Variants in PNKD observed in about 807,000 individuals in gnomAD.
PNKD encodes the protein probable thioesterase PNKD.
In PNKD, 36 loss-of-function variants were observed where a neutral mutation model predicts 45.3. The observed-to-expected ratio is 0.80, with a 90% CI of 0.61 to 1.05. The LOEUF (loss-of-function observed/expected upper bound fraction) is 1.05, where lower values mean the gene tolerates loss of function less well. Ranked by LOEUF, PNKD falls within the 50% of genes least tolerant of loss-of-function variation. The pLI is 0.00. For missense variants in PNKD, 511 were observed against 506.6 expected, an observed-to-expected ratio of 1.01 and a Z score of -0.08; for synonymous variants, 197 against 210.1, an observed-to-expected ratio of 0.94 and a Z score of 0.54.
intron 2 of PNKD, among the ~76,000 whole-genome samples, chr2:218,303,680 G>A (rs1204195499): frequency 2.7e-5 from 4 of 148,516 alleles, no homozygotes; most frequent in South Asian, 2.1e-4. Flanking sequence ...GGGTTCAAGC[G>A]ATTCTCTGCC....
chr2:218,313,903 C>CTTTTTTTTTTTTTTTTTTTTT (rs10550174), intron 2 of PNKD, among the ~76,000 whole-genome samples: 1 of 77,722 alleles, frequency 1.3e-5, no homozygotes, highest in African/African-American at 3.9e-5. Flanking sequence ...TTCTTTATTT[C>CTTTTTTTTTTTTTTTTTTTTT]TTTTTTTTTT....
intron 2 of PNKD, among the ~76,000 whole-genome samples, chr2:218,297,684 CAAAAA>C (rs71064428): frequency 2.4e-5 from 1 of 41,998 alleles, no homozygotes; most frequent in African/African-American, 1.4e-4. Flanking sequence ...GACTCCGTCT[CAAAAA>C]AAAAAAAAAA....
chr2:218,315,298 C>T (rs372274572), intron 2 of PNKD, among the ~76,000 whole-genome samples: 96 of 151,802 alleles, frequency 6.3e-4, no homozygotes, highest in African/African-American at 2.0e-3. Context: ...CGCGCCACCA[C>T]GCCCAGCTAA....
chr2:218,280,193 C>G, intron 2 of PNKD: 2 of 1,161,900 alleles, frequency 1.7e-6, no homozygotes, highest in Non-Finnish European at 2.6e-6. Context: ...CAAAGCCTCC[C>G]TGACAATCTC....
At chr2:218,341,083 T>C (rs537894190) in intron 5 of PNKD, among the ~76,000 whole-genome samples, 17 of 152,336 alleles carry the variant, frequency 1.1e-4, no homozygotes, top group Non-Finnish European at 2.2e-4. Flanking sequence ...GACTCTTCCA[T>C]CAAGGAAATT....
At chr2:218,320,848 C>T (rs1281051244) in intron 2 of PNKD, among the ~76,000 whole-genome samples, 2 of 152,186 alleles carry the variant, frequency 1.3e-5, no homozygotes, top group African/African-American at 4.8e-5. Context: ...AATAAGGCAT[C>T]AGCCTGGATG....
intron 2 of PNKD, among the ~76,000 whole-genome samples, chr2:218,323,005 G>T (rs377125565): frequency 6.4e-4 from 97 of 151,202 alleles, no homozygotes; most frequent in African/African-American, 2.1e-3. Context: ...CCCGATCAGC[G>T]CAGGCTCGCG....
intron 2 of PNKD, among the ~76,000 whole-genome samples, chr2:218,306,291 A>C (rs571236500): frequency 2.6e-5 from 4 of 152,338 alleles, no homozygotes; most frequent in Admixed American, 2.0e-4. Context: ...AGGTGCCTGC[A>C]ATGGGCCAGG....
chr2:218,296,722 C>T (rs1403036119), intron 2 of PNKD, among the ~76,000 whole-genome samples: 1 of 151,968 alleles, frequency 6.6e-6, no homozygotes, highest in Non-Finnish European at 1.5e-5. Context: ...TCTGTCACCA[C>T]GGCTGGGGTG....
At chr2:218,302,202 G>T (rs1693290217) in intron 2 of PNKD, among the ~76,000 whole-genome samples, 1 of 152,150 alleles carries the variant, frequency 6.6e-6, no homozygotes, top group African/African-American at 2.4e-5. Context: ...CAAAAAATTA[G>T]CCAGGCATGG....
rs1395575920 is a variant in PNKD, at chr2:218,345,211, C to T, written c.*230C>T. ...CCGCAGCGCGAGGCTGCCTCATCAA[C>T]GGCAAGAGGAAAGGAGGGGTCTCGG... On this transcript the variant is annotated 3_prime_UTR_variant, in exon 10 of 10. Coordinates refer to ENST00000273077, the MANE Select transcript of PNKD (RefSeq NM_015488.5). The T allele has an allele frequency of 2.3e-5, 13 of 563,274 alleles. No individual in the cohort carries two copies. The highest frequency in any genetic ancestry group is 1.2e-4 in the Admixed American group (4 of 32,158). 34.9% of individuals were successfully genotyped at this position (563,274 alleles called of 1,614,324 possible). A position where few individuals can be genotyped will look rare whatever the true frequency, so the allele number is the denominator to read the frequency against.
chr2:218,310,935 T>A (rs111494465), intron 2 of PNKD, among the ~76,000 whole-genome samples: 3,655 of 152,310 alleles, frequency 0.024, 67 homozygotes, highest in Non-Finnish European at 0.037. Context: ...ATATTTGCTA[T>A]TGTGTTGTAA....
At chr2:218,343,426 A>G in intron 7 of PNKD, 74 bp from the exon 8 acceptor site, 2 of 1,193,158 alleles carry the variant, frequency 1.7e-6, no homozygotes, top group South Asian at 1.3e-5. Context: ...GCTGGTTCCC[A>G]CCTGTCTGGG....
intron 2 of PNKD, among the ~76,000 whole-genome samples, chr2:218,315,098 T>TC (rs1693768769): frequency 1.8e-5 from 1 of 56,890 alleles, no homozygotes; most frequent in Non-Finnish European, 3.8e-5. Flanking sequence ...CTCTCTCTCC[T>TC]TCCTTCCTTC....
chr2:218,295,045 G>T (rs1233749191), intron 2 of PNKD, among the ~76,000 whole-genome samples: 1 of 152,166 alleles, frequency 6.6e-6, no homozygotes, highest in Non-Finnish European at 1.5e-5. Context: ...CTGCCCGACT[G>T]GGGGAGTGGG....
chr2:218,286,615 C>T lies in PNKD; in HGVS notation c.236+15066C>T, dbSNP rs982587222. The T allele has an allele frequency of 3.9e-5, 6 of 152,296 alleles. No individual in the cohort carries two copies. In the East Asian group the frequency reaches 7.7e-4, roughly 20 times the overall value. 9.4% of individuals were successfully genotyped at this position (152,296 alleles called of 1,614,324 possible). ...GTGTCAAGGTTTTCAGATGCAGAGG[C>T]GGAAGCACCTCCTCCCCTGGAGCCC... is the stretch of plus-strand genomic sequence containing the variant. On this transcript the variant is annotated intron_variant, in intron 2 of 9. Coordinates refer to ENST00000273077, the MANE Select transcript of PNKD (RefSeq NM_015488.5).
chr2:218,306,557 G>A (rs1322954079), intron 2 of PNKD, among the ~76,000 whole-genome samples: 1 of 152,196 alleles, frequency 6.6e-6, no homozygotes, highest in Non-Finnish European at 1.5e-5. Context: ...CCCTCGTGGA[G>A]AGAAAGAGAA....
intron 2 of PNKD, chr2:218,282,201 A>G: frequency 1.5e-6 from 2 of 1,340,008 alleles, no homozygotes; most frequent in South Asian, 1.6e-5. Flanking sequence ...GAGAGGAGAA[A>G]AGCAATCGTG....
At position 218,346,620 on chromosome 2, in the gene PNKD, G is replaced by T; in HGVS notation, c.*1639G>T. On this transcript the variant is annotated 3_prime_UTR_variant, in exon 10 of 10. Transcript: ENST00000273077. ...TGCACTTTGTCAATGCTTCTCTTGT[G>T]GCACTTATCACACTGTATTTTACTT... 1 of 154,022 alleles carries T rather than the reference G, an allele frequency of 6.5e-6. No individual in the cohort carries two copies. 9.5% of individuals were successfully genotyped at this position (154,022 alleles called of 1,614,324 possible).
Sources: allele counts gnomAD v4.1 joint callset (sites outside exome capture counted in the v4.1 genomes callset), GRCh38; gene constraint gnomAD v4.1.1; transcripts MANE v1.5; gene names NCBI Gene and HGNC (gene_info 2026-07-23, HGNC 2026-07-21).